Variants in KRTAP5-11 observed in about 807,000 individuals in gnomAD.
The protein encoded by KRTAP5-11 is keratin-associated protein 5-11.
For missense variants in KRTAP5-11, 202 were observed against 188.7 expected (o/e 1.07, Z -0.41); for synonymous variants, 88 against 73.0 (o/e 1.21, Z -1.05).
In KRTAP5-11 at chr11:71,582,501, G is replaced by T; in HGVS notation, c.337C>A (p.Gln113Lys). The change falls in exon 1 of 1, where the codon CAA (glutamine) becomes AAA (lysine). Residue 113 changes from glutamine to lysine, a missense_variant. Gln to Lys is a moderately conservative substitution (Grantham distance 53, BLOSUM62 1). Transcript: ENST00000398530. ...QSSCSKPCCC[Q>K]SSCCQSSCCK... ...CAGCTGGACTGGCAGCAGCTGGATT[G>T]GCAGCAGCAGGGTTTGGAGCAGCTG... is the stretch of plus-strand genomic sequence containing the variant. 6.2e-7 allele frequency: 1 copy of T among 1,613,480 alleles called. No homozygotes were observed. The highest frequency in any genetic ancestry group is 8.5e-7 in the Non-Finnish European group (1 of 1,179,880).
At position 71,582,255 on chromosome 11, in the gene KRTAP5-11, G is replaced by T; in HGVS notation, c.*112C>A. The T allele has an allele frequency of 6.3e-7, 1 of 1,579,608 alleles. No homozygotes were observed. Among genetic ancestry groups the T allele is most frequent in the East Asian group, 2.2e-5 (1 of 44,656 alleles). On this transcript the variant is annotated 3_prime_UTR_variant, in exon 1 of 1. Coordinates refer to ENST00000398530, the MANE Select transcript of KRTAP5-11 (RefSeq NM_001005405.3). The stretch of plus-strand genomic sequence containing the variant: ...AAAGAGGTGCATGCATGGATGATGA[G>T]CTAGAGCAGGTGCAGGTGCCTCAGG...
Position 71,582,269 on chromosome 11 carries a change from AG to A in KRTAP5-11, c.*97del, listed in dbSNP as rs1950273229. 5 of 1,589,906 alleles carry A rather than the reference AG, an allele frequency of 3.1e-6. No homozygotes were observed. Among genetic ancestry groups the A allele is most frequent in the Non-Finnish European group, 4.3e-6 (5 of 1,166,904 alleles). On this transcript the variant is annotated 3_prime_UTR_variant, in exon 1 of 1. Transcript: ENST00000398530. ...ATGGATGATGAGCTAGAGCAGGTGC[AG>A]GTGCCTCAGGATGATGTGTGGGATG...
Position 71,582,348 on chromosome 11 carries a change from A to C in KRTAP5-11, c.*19T>G, listed in dbSNP as rs779207917. 1.2e-6 allele frequency: 2 copies of C among 1,614,048 alleles called. No homozygotes were observed. The highest frequency in any genetic ancestry group is 2.7e-5 in the African/African-American group (2 of 74,930). On this transcript the variant is annotated 3_prime_UTR_variant, in exon 1 of 1. Coordinates refer to ENST00000398530, the MANE Select transcript of KRTAP5-11 (RefSeq NM_001005405.3). ...GCTTTCACCAAAGAGGAGAAACCTG[A>C]AGGTCTGGGTCCAGAGCCTCAGATC...
chr11:71,582,093 G>GAGA lies in KRTAP5-11; in HGVS notation c.*271_*273dup. 1 of 630,054 alleles carries GAGA rather than the reference G, an allele frequency of 1.6e-6. No homozygotes were observed. Among genetic ancestry groups the GAGA allele is most frequent in the Admixed American group, 3.1e-5 (1 of 32,052 alleles). 39.0% of individuals were successfully genotyped at this position (630,054 alleles called of 1,614,324 possible). On this transcript the variant is annotated 3_prime_UTR_variant, in exon 1 of 1. Coordinates refer to ENST00000398530, the MANE Select transcript of KRTAP5-11 (RefSeq NM_001005405.3). Reference sequence around the variant, plus strand: ...GACCTAGCATCTCAGTCAGCCCAGGGAGAAGAAGAAGATGGTCCACACCCA... The same window carrying GAGA: ...GACCTAGCATCTCAGTCAGCCCAGGGAGAAGAAGAAGAAGATGGTCCACACCCA...
rs140305987 is a variant in KRTAP5-11 at position 71,582,404 on chromosome 11, C to T, written c.434G>A (p.Ser145Asn). The change falls in exon 1 of 1, where the codon AGC becomes AAC. Residue 145 changes from serine to asparagine, a missense_variant. By Grantham distance (46) the Ser-to-Asn change is conservative (BLOSUM62 1). Transcript: ENST00000398530. The part of the protein sequence containing the change: ...SCFKPCCCQS[S>N]CCVPVCCQCK... ...CTGGCAGCACACGGGGACACAGCAG[C>T]TGGACTGGCAGCAGCAGGGCTTGAA... is the stretch of plus-strand genomic sequence containing the variant. 769 of 1,614,214 alleles carry T rather than the reference C, an allele frequency of 4.8e-4. 2 individuals carry two copies. The African/African-American group carries it at 9.0e-3, about 19-fold the overall frequency.
chr11:71,582,603 A>G lies in KRTAP5-11; in HGVS notation c.235T>C (p.Ser79Pro). 1 of 1,614,034 alleles carries G rather than the reference A, an allele frequency of 6.2e-7. No individual in the cohort carries two copies. The highest frequency in any genetic ancestry group is 8.5e-7 in the Non-Finnish European group (1 of 1,179,972). ...SCGSSKGGCG[S>P]CGCSQSNCCK... ...CAGTTGGACTGGGAGCAGCCACAAG[A>G]ACCACACCCACCCTTGGAGCTCCCA... Residue 79 changes from serine to proline, a missense_variant, in exon 1 of 1, where the codon TCT becomes CCT. Physicochemically the swap from Ser to Pro is moderately conservative, Grantham distance 74 (BLOSUM62 -1). Coordinates refer to ENST00000398530, the MANE Select transcript of KRTAP5-11 (RefSeq NM_001005405.3).
rs879021289 is a variant in KRTAP5-11, at chr11:71,582,454, T to C, written c.384A>G (p.Gln128=). 2 of 1,612,746 alleles carry C rather than the reference T, an allele frequency of 1.2e-6. No homozygotes were observed. Among genetic ancestry groups the C allele is most frequent in the East Asian group, 2.2e-5 (1 of 44,828 alleles). ...AGCAGCTAGACTGGCAGCAGCTGGA[T>C]TGGCAGCAGCAGGGCTTGCAGCAGC... is the stretch of plus-strand genomic sequence containing the variant. The part of the protein sequence containing the change: ...QSSCCKPCCC[Q]SSCCQSSCFK... The change falls in exon 1 of 1, where the codon CAA becomes CAG. Residue 128 remains glutamine, a synonymous_variant. Transcript: ENST00000398530.
At position 71,581,932 on chromosome 11, in the gene KRTAP5-11, G is replaced by A; in HGVS notation, c.*435C>T. 4.6e-6 allele frequency: 1 copy of A among 219,388 alleles called. No homozygotes were observed. Among genetic ancestry groups the A allele is most frequent in the Admixed American group, 5.1e-5 (1 of 19,464 alleles). 13.6% of individuals were successfully genotyped at this position (219,388 alleles called of 1,614,324 possible). A position where few individuals can be genotyped will look rare whatever the true frequency, so the allele number is the denominator to read the frequency against. On this transcript the variant is annotated 3_prime_UTR_variant, in exon 1 of 1. Coordinates refer to ENST00000398530, the MANE Select transcript of KRTAP5-11 (RefSeq NM_001005405.3). Reference sequence around the variant, plus strand: ...TTTAAATAGATGGAGACAACAGGAAGGAAGGAGACCTTCTTGCTCACAGGT... The same window carrying A: ...TTTAAATAGATGGAGACAACAGGAAAGAAGGAGACCTTCTTGCTCACAGGT...
Position 71,582,314 on chromosome 11 carries a change from A to G in KRTAP5-11, c.*53T>C, listed in dbSNP as rs1950273400. On this transcript the variant is annotated 3_prime_UTR_variant, in exon 1 of 1. Coordinates refer to ENST00000398530, the MANE Select transcript of KRTAP5-11 (RefSeq NM_001005405.3). ...TGGGATGAACTGATTCAGAGAAACC[A>G]TAAGAAATGCTTTCACCAAAGAGGA... is the stretch of plus-strand genomic sequence containing the variant. The G allele has an allele frequency of 1.9e-6, 3 of 1,612,440 alleles. No homozygotes were observed. The highest frequency in any genetic ancestry group is 1.1e-5 in the South Asian group (1 of 90,992).
In KRTAP5-11 at chr11:71,582,441, G is replaced by T; in HGVS notation, c.397C>A (p.Gln133Lys). 11 of 1,613,778 alleles carry T rather than the reference G, an allele frequency of 6.8e-6. No individual in the cohort carries two copies. The highest frequency in any genetic ancestry group is 1.3e-5 in the African/African-American group (1 of 74,902). ...KPCCCQSSCC[Q>K]SSCFKPCCCQ... ...CAGCAGGGCTTGAAGCAGCTAGACT[G>T]GCAGCAGCTGGATTGGCAGCAGCAG... Residue 133 changes from glutamine (Q) to lysine (K), a missense_variant, in exon 1 of 1, where the codon CAG (glutamine) becomes AAG (lysine). Physicochemically the swap from Gln to Lys is moderately conservative, Grantham distance 53. Transcript: ENST00000398530.
chr11:71,582,172 C>G lies in KRTAP5-11; in HGVS notation c.*195G>C. On this transcript the variant is annotated 3_prime_UTR_variant, in exon 1 of 1. Transcript: ENST00000398530. ...AAGAACACCTCCTGCATCAAGGAAA[C>G]ACATGTTTCCGGAGTGAGGAAGCTG... is the stretch of plus-strand genomic sequence containing the variant. The G allele has an allele frequency of 8.2e-7, 1 of 1,212,544 alleles. No homozygotes were observed. Among genetic ancestry groups the G allele is most frequent in the Non-Finnish European group, 1.1e-6 (1 of 873,356 alleles). 75.1% of individuals were successfully genotyped at this position (1,212,544 alleles called of 1,614,324 possible). A position where few individuals can be genotyped will look rare whatever the true frequency, so the allele number is the denominator to read the frequency against.
In KRTAP5-11 at chr11:71,582,524, C is replaced by T. The variant is rs1299524934; in HGVS notation, c.314G>A (p.Ser105Asn). The change falls in exon 1 of 1, where the codon AGC becomes AAC. Residue 105 changes from serine to asparagine, a missense_variant. Coordinates refer to ENST00000398530, the MANE Select transcript of KRTAP5-11 (RefSeq NM_001005405.3). ...TTGGCAGCAGCAGGGTTTGGAGCAG[C>T]TGGACTGGCAGCAGAATGACCCACA... is the stretch of plus-strand genomic sequence containing the variant. ...SGCGSFCCQS[S>N]CSKPCCCQSS... The T allele has an allele frequency of 1.2e-6, 2 of 1,613,748 alleles. No homozygotes were observed. Among genetic ancestry groups the T allele is most frequent in the East Asian group, 4.5e-5 (2 of 44,884 alleles).
chr11:71,582,513 G>T lies in KRTAP5-11; in HGVS notation c.325C>A (p.Pro109Thr), dbSNP rs766460782. ...SFCCQSSCSK[P>T]CCCQSSCCQS... ...CAGCAGCTGGATTGGCAGCAGCAGG[G>T]TTTGGAGCAGCTGGACTGGCAGCAG... is the stretch of plus-strand genomic sequence containing the variant. The change falls in exon 1 of 1, where the codon CCC (proline) becomes ACC (threonine). Residue 109 changes from proline to threonine, a missense_variant. Transcript: ENST00000398530. The T allele has an allele frequency of 1.2e-6, 2 of 1,613,602 alleles. No individual in the cohort carries two copies. Among genetic ancestry groups the T allele is most frequent in the Admixed American group, 1.7e-5 (1 of 59,996 alleles).
In KRTAP5-11 at chr11:71,582,627, C is replaced by T. The variant is rs756194964; in HGVS notation, c.211G>A (p.Gly71Arg). The T allele has an allele frequency of 9.9e-6, 16 of 1,613,876 alleles. No homozygotes were observed. The South Asian group carries it at 1.8e-4, about 18-fold the overall frequency. Residue 71 changes from glycine (G) to arginine (R), a missense_variant, in exon 1 of 1, where the codon GGG becomes AGG. Transcript: ENST00000398530. ...GGSKGGCGSC[G>R]SSKGGCGSCG... ...GAACCACACCCACCCTTGGAGCTCCCACAAGAGCCACAGCCCCCTTTGGAG... is the reference window on the plus strand; with the variant it reads ...GAACCACACCCACCCTTGGAGCTCCTACAAGAGCCACAGCCCCCTTTGGAG...
chr11:71,582,582 T>C lies in KRTAP5-11; in HGVS notation c.256A>G (p.Asn86Asp). 3.1e-6 allele frequency: 5 copies of C among 1,613,944 alleles called. No homozygotes were observed. Among genetic ancestry groups the C allele is most frequent in the Non-Finnish European group, 4.2e-6 (5 of 1,179,934 alleles). ...GAGGAGCAGCAGGGCTTACAGCAGT[T>C]GGACTGGGAGCAGCCACAAGAACCA... ...GCGSCGCSQS[N>D]CCKPCCSSSG... Residue 86 changes from asparagine to aspartate, a missense_variant, in exon 1 of 1, where the codon AAC (asparagine) becomes GAC (aspartate). Asn to Asp is a conservative substitution (Grantham distance 23, BLOSUM62 1). Coordinates refer to ENST00000398530, the MANE Select transcript of KRTAP5-11 (RefSeq NM_001005405.3).
chr11:71,582,779 C>A lies in KRTAP5-11; in HGVS notation c.59G>T (p.Gly20Val), dbSNP rs775506994. Residue 20 changes from glycine to valine, a missense_variant, in exon 1 of 1, where the codon GGC becomes GTC. Transcript: ENST00000398530. The stretch of plus-strand genomic sequence containing the variant: ...ACAGCCAGAGCCACAGCCCCCACTG[C>A]CGGAGCCACAGCCCCCACAGCCAGA... ...CGSGCGGCGS[G>V]SGGCGSGCGG... is the part of the protein sequence containing the mutation. 1 of 1,530,148 alleles carries A rather than the reference C, an allele frequency of 6.5e-7. No individual in the cohort carries two copies. The highest frequency in any genetic ancestry group is 1.1e-5 in the South Asian group (1 of 89,946). 94.8% of individuals were successfully genotyped at this position (1,530,148 alleles called of 1,614,324 possible).
Position 71,582,087 on chromosome 11 carries a change from C to A in KRTAP5-11, c.*280G>T. 1.6e-6 allele frequency: 1 copy of A among 607,596 alleles called. No homozygotes were observed. The allele number at this position is 607,596 out of a possible 1,614,324, so 37.6% of individuals were successfully genotyped here. ...GGGTCAGACCTAGCATCTCAGTCAGCCCAGGGAGAAGAAGAAGATGGTCCA... is the reference window on the plus strand; with the variant it reads ...GGGTCAGACCTAGCATCTCAGTCAGACCAGGGAGAAGAAGAAGATGGTCCA... On this transcript the variant is annotated 3_prime_UTR_variant, in exon 1 of 1. Coordinates refer to ENST00000398530, the MANE Select transcript of KRTAP5-11 (RefSeq NM_001005405.3).
chr11:71,582,749 C>T lies in KRTAP5-11; in HGVS notation c.89G>A (p.Gly30Asp), dbSNP rs1207467110. The change falls in exon 1 of 1, where the codon GGC becomes GAC. Residue 30 changes from glycine (G) to aspartate (D), a missense_variant. Transcript: ENST00000398530. ...GGGCACACAGCAGCTGGAGCCACAG[C>T]CCCCACAGCCAGAGCCACAGCCCCC... ...GSGGCGSGCGGCGSSCCVPIC... is the reference protein window; with the variant it reads ...GSGGCGSGCGDCGSSCCVPIC... 6.5e-7 allele frequency: 1 copy of T among 1,529,884 alleles called. No homozygotes were observed. Among genetic ancestry groups the T allele is most frequent in the Admixed American group, 1.8e-5 (1 of 56,808 alleles). The allele number at this position is 1,529,884 out of a possible 1,614,324, so 94.8% of individuals were successfully genotyped here. A position where few individuals can be genotyped will look rare whatever the true frequency, so the allele number is the denominator to read the frequency against.
At position 71,582,004 on chromosome 11, in the gene KRTAP5-11, G is replaced by A. The variant is rs144800062; in HGVS notation, c.*363C>T. The A allele has an allele frequency of 5.4e-4, 189 of 352,320 alleles. No individual in the cohort carries two copies. The East Asian group carries it at 0.011, about 20-fold the overall frequency. 21.8% of individuals were successfully genotyped at this position (352,320 alleles called of 1,614,324 possible). On this transcript the variant is annotated 3_prime_UTR_variant, in exon 1 of 1. Coordinates refer to ENST00000398530, the MANE Select transcript of KRTAP5-11 (RefSeq NM_001005405.3). ...CAGCCCAGGAGGACCCAGAATCCCA[G>A]TGGTGGTTGAGAAACTGGTTCTTAG...
Sources: gnomAD v4.1 joint callset for allele counts on GRCh38, gnomAD v4.1.1 for gene constraint, MANE v1.5 for transcripts, NCBI Gene and HGNC (gene_info 2026-07-23, HGNC 2026-07-21) for gene names.